INPP4B: variants seen among roughly 807,000 people sequenced by gnomAD.
INPP4B encodes the protein inositol polyphosphate-4-phosphatase type II B.
INPP4B carries 55 observed loss-of-function variants against 122.5 expected under a neutral mutation model. That is an observed-to-expected ratio of 0.45 (90% CI 0.36 to 0.56). INPP4B has a LOEUF of 0.56. INPP4B is among the 20% of genes least tolerant of loss of function. The probability of loss-of-function intolerance (pLI) is 0.00; values close to 1 mark genes in which losing one functional copy is unlikely to be tolerated. For missense variants in INPP4B, 1,000 were observed against 1,097.7 expected (o/e 0.91, Z 1.26); for synonymous variants, 403 against 388.7 (o/e 1.04, Z -0.43).
chr4:142,786,305 G>A (rs970712345), intron 1 of INPP4B, among the ~76,000 whole-genome samples: 1 of 152,068 alleles, frequency 6.6e-6, no homozygotes, highest in Non-Finnish European at 1.5e-5. Flanking sequence ...TATACCAAAG[G>A]AGCAGAGGAG....
At chr4:142,633,619 C>T (rs934596000) in intron 2 of INPP4B, among the ~76,000 whole-genome samples, 1 of 151,480 alleles carries the variant, frequency 6.6e-6, no homozygotes, top group East Asian at 1.9e-4. Flanking sequence ...GGAAAAAGAC[C>T]GAAAGCAATG....
chr4:142,659,324 T>TGAA (rs1277895121), intron 2 of INPP4B, among the ~76,000 whole-genome samples: 1 of 151,248 alleles, frequency 6.6e-6, no homozygotes, highest in Non-Finnish European at 1.5e-5. Context: ...AAGAATGGCG[T>TGAA]GAACCCGGGA....
intron 1 of INPP4B, among the ~76,000 whole-genome samples, chr4:142,818,686 C>T (rs577418129): frequency 7.2e-5 from 11 of 152,218 alleles, no homozygotes; most frequent in East Asian, 3.9e-4. Flanking sequence ...TGCCTCTATA[C>T]GCTTTCAAGT....
chr4:142,581,730 G>A (rs1735129886), intron 2 of INPP4B, among the ~76,000 whole-genome samples: 1 of 151,682 alleles, frequency 6.6e-6, no homozygotes, highest in African/African-American at 2.4e-5. Context: ...ACCTGAAACA[G>A]AGCACCACAA....
intron 1 of INPP4B, among the ~76,000 whole-genome samples, chr4:142,817,769 A>G (rs946671964): frequency 6.6e-6 from 1 of 152,190 alleles, no homozygotes; most frequent in Admixed American, 6.5e-5. Flanking sequence ...TTCCATCATC[A>G]TATTGTGCAA....
intron 2 of INPP4B, chr4:142,514,407 A>G (rs1281494946): frequency 6.6e-6 from 1 of 152,132 alleles, no homozygotes; most frequent in Non-Finnish European, 1.5e-5. Flanking sequence ...GTAGAAACAT[A>G]TAATCCTGAA....
At chr4:142,424,472 A>C (rs539836174) in intron 5 of INPP4B, among the ~76,000 whole-genome samples, 3 of 152,222 alleles carry the variant, frequency 2.0e-5, no homozygotes, top group African/African-American at 7.2e-5. Flanking sequence ...AAATTCTACC[A>C]ACTGGTGAGA....
At chr4:142,769,437 A>G (rs953351178) in intron 1 of INPP4B, among the ~76,000 whole-genome samples, 7 of 152,158 alleles carry the variant, frequency 4.6e-5, no homozygotes, top group Admixed American at 1.3e-4. Flanking sequence ...GTAAACTATA[A>G]CTAAGCTACA....
intron 2 of INPP4B, among the ~76,000 whole-genome samples, chr4:142,723,010 A>G (rs1822361): frequency 0.66 from 100,503 of 151,638 alleles, 33,459 homozygotes; most frequent in East Asian, 0.81. Context: ...AACATGTATC[A>G]CATCTGTATC....
At position 142,071,000 on chromosome 4, in the gene INPP4B, T is replaced by C. The variant is rs147579363; in HGVS notation, c.2642+11031A>G. On this transcript the variant is annotated intron_variant, in intron 25 of 25. Coordinates refer to ENST00000262992, the MANE Select transcript of INPP4B (RefSeq NM_001101669.3). ...GGAAAAAACTACTTTAAAGTTTATA[T>C]AGAACCAAATAAGAGCCTGCATTAC... is the stretch of plus-strand genomic sequence containing the variant. Among the ~76,000 whole-genome samples, 39 of 152,244 alleles carry C rather than the reference T, an allele frequency of 2.6e-4. 1 individual carries two copies. The highest frequency in any genetic ancestry group is 7.7e-4 in the African/African-American group (32 of 41,548).
intron 1 of INPP4B, among the ~76,000 whole-genome samples, chr4:142,803,167 G>A (rs1280833167): frequency 2.9e-5 from 3 of 103,946 alleles, no homozygotes; most frequent in South Asian, 3.9e-4. Flanking sequence ...GTGAGACTAC[G>A]TCTCAAAAAA....
At chr4:142,034,314 T>C (rs1742418515) in intron 25 of INPP4B, among the ~76,000 whole-genome samples, 1 of 152,066 alleles carries the variant, frequency 6.6e-6, no homozygotes, top group Admixed American at 6.6e-5. Context: ...TCTTAGCAGG[T>C]GGGGCCCAGG....
rs550271519 is a variant in INPP4B, at chr4:142,325,194, A to G, written c.373-10432T>C. ...AGGAGCAGTGCTTGTCCCACCTACC[A>G]CATCCTACCCAAACCGAACTCCTTA... is the stretch of plus-strand genomic sequence containing the variant. On this transcript the variant is annotated intron_variant, in intron 7 of 25. Transcript: ENST00000262992. Among the ~76,000 whole-genome samples, 29 of 152,296 alleles carry G rather than the reference A, an allele frequency of 1.9e-4. No homozygotes were observed. In the South Asian group the frequency reaches 5.8e-3, roughly 30 times the overall value.
intron 7 of INPP4B, chr4:142,384,172 G>C (rs1046093602): frequency 2.3e-5 from 16 of 700,986 alleles, no homozygotes; most frequent in Non-Finnish European, 2.6e-5. Flanking sequence ...TTCTAAAAAT[G>C]TTCAAGAATT....
At chr4:142,692,950 G>GATAC (rs1276281443) in intron 2 of INPP4B, among the ~76,000 whole-genome samples, 153 of 149,456 alleles carry the variant, frequency 1.0e-3, no homozygotes, top group African/African-American at 3.3e-3. Context: ...TAGATACATA[G>GATAC]ATAGAGATAG....
At chr4:142,653,025 T>G (rs957027044) in intron 2 of INPP4B, among the ~76,000 whole-genome samples, 13 of 151,950 alleles carry the variant, frequency 8.6e-5, no homozygotes, top group Admixed American at 4.6e-4. Flanking sequence ...CCAAAACAGA[T>G]TTATAGACCA....
intron 25 of INPP4B, among the ~76,000 whole-genome samples, chr4:142,037,626 A>C (rs1744787306): frequency 6.6e-6 from 1 of 152,162 alleles, no homozygotes; most frequent in South Asian, 2.1e-4. Flanking sequence ...ACATGCTTCA[A>C]GTTTGAAGCT....
intron 7 of INPP4B, among the ~76,000 whole-genome samples, chr4:142,341,043 ATTAAG>A (rs1269003978): frequency 2.0e-5 from 3 of 152,200 alleles, no homozygotes; most frequent in African/African-American, 7.2e-5. Flanking sequence ...GATGATAACA[ATTAAG>A]TTAAACTTTT....
chr4:142,534,159 A>T (rs1023493358), intron 2 of INPP4B, among the ~76,000 whole-genome samples: 3 of 152,120 alleles, frequency 2.0e-5, no homozygotes, highest in Admixed American at 2.0e-4. Flanking sequence ...TTAAAGTTGA[A>T]GGGGTTCATT....
Sources: gnomAD v4.1 joint callset for allele counts (sites outside exome capture counted in the v4.1 genomes callset) on GRCh38, gnomAD v4.1.1 for gene constraint, MANE v1.5 for transcripts, NCBI Gene and HGNC (gene_info 2026-07-23, HGNC 2026-07-21) for gene names.